The following KCND2 variants were observed in gnomAD, a reference collection of about 807,000 sequenced individuals.
KCND2 encodes potassium voltage-gated channel subfamily D member 2.
Under a neutral mutation model 54.4 loss-of-function variants are expected in KCND2, and 16 were observed. The observed-to-expected ratio is 0.29, with a 90% CI of 0.20 to 0.45. The LOEUF (loss-of-function observed/expected upper bound fraction) is 0.45. Among genes scored for constraint, KCND2 ranks in the 20% least tolerant of loss-of-function variants. The pLI is 1.00. For synonymous variants in KCND2, 317 were observed against 310.7 expected (o/e 1.02, Z -0.21); for missense variants, 486 against 824.2 (o/e 0.59, Z 5.02).
chr7:120,337,261 T>G (rs1185634402), intron 1 of KCND2, among the ~76,000 whole-genome samples: 3 of 152,180 alleles, frequency 2.0e-5, no homozygotes, highest in Non-Finnish European at 4.4e-5. Flanking sequence ...ATAGGTAATT[T>G]AACACATTCA....
At chr7:120,675,406 T>A (rs1484264894) in intron 1 of KCND2, among the ~76,000 whole-genome samples, 2 of 151,944 alleles carry the variant, frequency 1.3e-5, no homozygotes, top group African/African-American at 2.4e-5. Flanking sequence ...TTCTCTTTTT[T>A]TTTTTTATTT....
intron 1 of KCND2, among the ~76,000 whole-genome samples, chr7:120,501,794 T>A (rs551887514): frequency 6.6e-6 from 1 of 152,258 alleles, no homozygotes; most frequent in South Asian, 2.1e-4. Context: ...TTTCGCACTG[T>A]ATTCCCCTGG....
At chr7:120,288,361 T>C (rs1000869641) in intron 1 of KCND2, among the ~76,000 whole-genome samples, 1 of 152,146 alleles carries the variant, frequency 6.6e-6, no homozygotes, top group African/African-American at 2.4e-5. Flanking sequence ...CAGAAGTTGA[T>C]TTGAAAGGAT....
chr7:120,535,293 G>A (rs565164942), intron 1 of KCND2, among the ~76,000 whole-genome samples: 166 of 152,158 alleles, frequency 1.1e-3, no homozygotes, highest in Admixed American at 1.5e-3. Flanking sequence ...GACACTTTTA[G>A]TCATAAATCA....
At chr7:120,643,052 G>T (rs1793397652) in intron 1 of KCND2, among the ~76,000 whole-genome samples, 1 of 152,132 alleles carries the variant, frequency 6.6e-6, no homozygotes, top group Non-Finnish European at 1.5e-5. Flanking sequence ...CAATGTTACT[G>T]AGCTTTACAC....
At chr7:120,514,239 A>T (rs1275683581) in intron 1 of KCND2, among the ~76,000 whole-genome samples, 4 of 152,158 alleles carry the variant, frequency 2.6e-5, no homozygotes, top group Non-Finnish European at 5.9e-5. Context: ...GCTCATGACC[A>T]GTGACCTGCC....
At chr7:120,383,935 T>C (rs1800951476) in intron 1 of KCND2, among the ~76,000 whole-genome samples, 1 of 152,080 alleles carries the variant, frequency 6.6e-6, no homozygotes, top group Non-Finnish European at 1.5e-5. Flanking sequence ...TTAAATTACA[T>C]CTGGCAAATG....
chr7:120,337,077 G>T (rs980537944), intron 1 of KCND2, among the ~76,000 whole-genome samples: 1 of 151,634 alleles, frequency 6.6e-6, no homozygotes, highest in Non-Finnish European at 1.5e-5. Flanking sequence ...GCCTCTCCAC[G>T]TATGTAACTT....
chr7:120,587,579 G>GA (rs984677547), intron 1 of KCND2, among the ~76,000 whole-genome samples: 24 of 151,378 alleles, frequency 1.6e-4, no homozygotes, highest in Admixed American at 9.9e-4. Flanking sequence ...ATCTTTTGGG[G>GA]AAAAAAAATC....
At chr7:120,333,517 G>T (rs533619386) in intron 1 of KCND2, among the ~76,000 whole-genome samples, 71 of 152,060 alleles carry the variant, frequency 4.7e-4, no homozygotes, top group Non-Finnish European at 8.7e-4. Flanking sequence ...ACTCAAACCA[G>T]CAAACCCTGT....
At chr7:120,685,103 G>A (rs571587921) in intron 1 of KCND2, among the ~76,000 whole-genome samples, 2 of 152,242 alleles carry the variant, frequency 1.3e-5, no homozygotes, top group Admixed American at 1.3e-4. Flanking sequence ...TGTCTTCCAC[G>A]AAATTGGTCC....
chr7:120,399,219 G>A (rs1174607092), intron 1 of KCND2, among the ~76,000 whole-genome samples: 2 of 151,540 alleles, frequency 1.3e-5, no homozygotes, highest in Non-Finnish European at 2.9e-5. Context: ...GATATTTAAT[G>A]ATTGGTAGTT....
intron 1 of KCND2, among the ~76,000 whole-genome samples, chr7:120,530,003 G>T (rs568577242): frequency 3.3e-5 from 5 of 151,932 alleles, no homozygotes; most frequent in Non-Finnish European, 7.4e-5. Context: ...ACCCCAGGGG[G>T]TCAAGGCTGC....
chr7:120,297,241 T>G (rs1168097857), intron 1 of KCND2, among the ~76,000 whole-genome samples: 2 of 152,112 alleles, frequency 1.3e-5, no homozygotes, highest in Non-Finnish European at 2.9e-5. Flanking sequence ...CTCTAATGTC[T>G]ATCATGCCAC....
At chr7:120,510,900 A>G (rs1803103798) in intron 1 of KCND2, among the ~76,000 whole-genome samples, 1 of 151,402 alleles carries the variant, frequency 6.6e-6, no homozygotes. Flanking sequence ...TTGAAATCCA[A>G]AGCCAATCCA....
chr7:120,650,316 T>C (rs191213704), intron 1 of KCND2, among the ~76,000 whole-genome samples: 10 of 143,250 alleles, frequency 7.0e-5, no homozygotes, highest in East Asian at 3.9e-4. Flanking sequence ...TGTTCATTTC[T>C]TTTTATTCTT....
At chr7:120,586,630 A>G (rs2116451653) in intron 1 of KCND2, among the ~76,000 whole-genome samples, 1 of 152,292 alleles carries the variant, frequency 6.6e-6, no homozygotes, top group Admixed American at 6.5e-5. Context: ...AAATAAGCAA[A>G]GACACTTTAT....
rs1416580521 is a variant in KCND2, at chr7:120,622,687, ACACTCTCT to A, written c.1116-110214_1116-110207del. 3.6e-4 allele frequency among the ~76,000 whole-genome samples: 51 copies of A among 143,350 alleles called. 1 individual carries two copies. The highest frequency in any genetic ancestry group is 2.6e-3 in the South Asian group (12 of 4,634). The allele number at this position is 143,350 out of a possible 152,430, so 94.0% of individuals were successfully genotyped here. A position where few individuals can be genotyped will look rare whatever the true frequency, so the allele number is the denominator to read the frequency against. On this transcript the variant is annotated intron_variant, in intron 1 of 5. Coordinates refer to ENST00000331113, the MANE Select transcript of KCND2 (RefSeq NM_012281.3). Reference sequence around the variant, plus strand: ...CTTACACACACACACACACACACACACACTCTCTCTCTCTCTCTCTCTCTCTCTCACAC... The same window carrying A: ...CTTACACACACACACACACACACACACTCTCTCTCTCTCTCTCTCTCACAC...
At chr7:120,318,041 G>GAGATGTC (rs1354047278) in intron 1 of KCND2, among the ~76,000 whole-genome samples, 1 of 152,170 alleles carries the variant, frequency 6.6e-6, no homozygotes, top group Non-Finnish European at 1.5e-5. Context: ...GTTGATGTCA[G>GAGATGTC]AGATGTCAGA....
Sources: gnomAD v4.1 joint callset for allele counts (sites outside exome capture counted in the v4.1 genomes callset) on GRCh38, gnomAD v4.1.1 for gene constraint, MANE v1.5 for transcripts, NCBI Gene and HGNC (gene_info 2026-07-23, HGNC 2026-07-21) for gene names.